The following SHISA7 variants were observed in gnomAD, a reference collection of about 807,000 sequenced individuals.
The protein encoded by SHISA7 is protein shisa-7.
Under a neutral mutation model 23.9 loss-of-function variants are expected in SHISA7, and 6 were observed. The ratio of observed to expected loss-of-function variants is 0.25; its 90% CI spans 0.14 to 0.50. The LOEUF is 0.50. SHISA7 is among the 20% of genes least tolerant of loss of function. The pLI is 0.98. For missense variants in SHISA7, 671 were observed against 801.1 expected (o/e 0.84, Z 1.96); for synonymous variants, 386 against 398.3 (o/e 0.97, Z 0.37).
Position 55,438,604 on chromosome 19 carries a change from C to T in SHISA7, c.827-850G>A, listed in dbSNP as rs146409202. On this transcript the variant is annotated intron_variant, in intron 2 of 3. Coordinates refer to ENST00000376325, the MANE Select transcript of SHISA7 (RefSeq NM_001145176.2). ...GCTTGGGGCTGTTGACGTTGAGGTG[C>T]AGGTAGCTGTGGTGCAGATTATCTG... The T allele has an allele frequency of 1.2e-4, 162 of 1,304,286 alleles. No homozygotes were observed. The African/African-American group carries it at 2.3e-3, about 19-fold the overall frequency. 80.8% of individuals were successfully genotyped at this position (1,304,286 alleles called of 1,614,324 possible).
At chr19:55,438,137 G>A (rs1385410906) in intron 2 of SHISA7, among the ~76,000 whole-genome samples, 6 of 147,964 alleles carry the variant, frequency 4.1e-5, no homozygotes, top group African/African-American at 1.3e-4. Context: ...AGACCCAGGC[G>A]TCCAGGCCCC....
chr19:55,438,881 T>C lies in SHISA7; in HGVS notation c.827-1127A>G, dbSNP rs868354511. On this transcript the variant is annotated intron_variant, in intron 2 of 3. Coordinates refer to ENST00000376325, the MANE Select transcript of SHISA7 (RefSeq NM_001145176.2). The stretch of plus-strand genomic sequence containing the variant: ...CCCAAGTTCTTAGCACCCCCCCCCC[T>C]GGTGCCCAGGCTAGAGATCTGAGGG... 9.3e-3 allele frequency among the ~76,000 whole-genome samples: 1,313 copies of C among 141,140 alleles called. 9 individuals carry two copies. Among genetic ancestry groups the C allele is most frequent in the African/African-American group, 0.032 (1,176 of 36,732 alleles). 92.6% of individuals were successfully genotyped at this position (141,140 alleles called of 152,430 possible).
At chr19:55,434,542 TTGTG>T (rs761817324) in intron 3 of SHISA7, among the ~76,000 whole-genome samples, 11 of 97,016 alleles carry the variant, frequency 1.1e-4, no homozygotes, top group African/African-American at 3.6e-4. Flanking sequence ...GTGTGTGTGG[TTGTG>T]TGTGTATGGT....
At chr19:55,438,298 G>C (rs887340029) in intron 2 of SHISA7, among the ~76,000 whole-genome samples, 1 of 152,192 alleles carries the variant, frequency 6.6e-6, no homozygotes. Context: ...GGCCCCAAGA[G>C]GGGGGTACTG....
At chr19:55,434,004 C>CAG (rs1985285371) in intron 3 of SHISA7, among the ~76,000 whole-genome samples, 3 of 152,062 alleles carry the variant, frequency 2.0e-5, no homozygotes, top group African/African-American at 7.3e-5. Flanking sequence ...TCTTCTTCCC[C>CAG]CCCGCGCCGC....
intron 1 of SHISA7, among the ~76,000 whole-genome samples, chr19:55,441,589 A>C (rs527781970): frequency 6.6e-5 from 10 of 152,100 alleles, no homozygotes; most frequent in Non-Finnish European, 1.5e-4. Flanking sequence ...TTTTCGGATC[A>C]CTTCCTCTAA....
intron 3 of SHISA7, among the ~76,000 whole-genome samples, chr19:55,434,756 GT>G (rs1985353317): frequency 1.8e-5 from 2 of 110,378 alleles, no homozygotes; most frequent in African/African-American, 7.1e-5. Context: ...GGTGTGTGTG[GT>G]GTGTGTGGTG....
In SHISA7 at chr19:55,430,827, G is replaced by A. The variant is rs1457714186; in HGVS notation, c.*2329C>T. ...GGATCCTGGGAGAAGATGACACCAG[G>A]GTTATGGTGGATACTAGTGGATGGT... On this transcript the variant is annotated 3_prime_UTR_variant, in exon 4 of 4. Transcript: ENST00000376325. 2.0e-5 allele frequency: 3 copies of A among 148,984 alleles called. No homozygotes were observed. Among genetic ancestry groups the A allele is most frequent in the Non-Finnish European group, 1.5e-5 (1 of 67,842 alleles). The allele number at this position is 148,984 out of a possible 1,614,324, so 9.2% of individuals were successfully genotyped here.
rs1985245497 is a variant in SHISA7, at chr19:55,432,940, C to G, written c.*216G>C. The stretch of plus-strand genomic sequence containing the variant: ...GATGACCTCATGAGCCGGCCTCTTC[C>G]TCTGGGATGACATCATGGGAAGGAG... On this transcript the variant is annotated 3_prime_UTR_variant, in exon 4 of 4. Coordinates refer to ENST00000376325, the MANE Select transcript of SHISA7 (RefSeq NM_001145176.2). This position sits in a 1 kb window ranked among gnomAD's most constrained non-coding sequence, Gnocchi z 4.6. 3 of 588,816 alleles carry G rather than the reference C, an allele frequency of 5.1e-6. No homozygotes were observed. The highest frequency in any genetic ancestry group is 5.6e-6 in the Non-Finnish European group (2 of 357,600). The allele number at this position is 588,816 out of a possible 1,614,324, so 36.5% of individuals were successfully genotyped here.
At chr19:55,434,782 GGTGT>G (rs1295337245) in intron 3 of SHISA7, among the ~76,000 whole-genome samples, 2 of 119,542 alleles carry the variant, frequency 1.7e-5, no homozygotes, top group East Asian at 5.7e-4. Flanking sequence ...GTGTGTGTAT[GGTGT>G]GTGTGGTGTG....
In SHISA7 at chr19:55,433,974, A is replaced by G. The variant is rs1006103306; in HGVS notation, c.977-178T>C. ...CAGGCCCAGCCCACAATGCTGGGTC[A>G]GTAGATGTGGAGGACTTCCTCTTCT... On this transcript the variant is annotated intron_variant, in intron 3 of 3. Coordinates refer to ENST00000376325, the MANE Select transcript of SHISA7 (RefSeq NM_001145176.2). This position sits in a 1 kb window ranked among gnomAD's most constrained non-coding sequence, Gnocchi z 8.4. Among the ~76,000 whole-genome samples the G allele has an allele frequency of 6.6e-6, 1 of 152,094 alleles. No homozygotes were observed. Among genetic ancestry groups the G allele is most frequent in the African/African-American group, 2.4e-5 (1 of 41,404 alleles).
rs113452084 is a variant in SHISA7 at position 55,435,954 on chromosome 19, A to ATGTG, written c.976+1647_976+1650dup. ...ATTTCCTGTAATTAAAAATATACAC[A>ATGTG]TGTGTGTGTGTGTGTGTGTCTCACG... On this transcript the variant is annotated intron_variant, in intron 3 of 3. Transcript: ENST00000376325. 2.3e-3 allele frequency among the ~76,000 whole-genome samples: 160 copies of ATGTG among 70,518 alleles called. 1 individual carries two copies. The highest frequency in any genetic ancestry group is 4.0e-3 in the East Asian group (3 of 752). The allele number at this position is 70,518 out of a possible 152,430, so 46.3% of individuals were successfully genotyped here.
chr19:55,433,393 C>A lies in SHISA7; in HGVS notation c.1380G>T (p.Gly460=). The A allele has an allele frequency of 1.5e-6, 2 of 1,324,240 alleles. No homozygotes were observed. The highest frequency in any genetic ancestry group is 9.6e-7 in the Non-Finnish European group (1 of 1,045,500). The allele number at this position is 1,324,240 out of a possible 1,614,324, so 82.0% of individuals were successfully genotyped here. A position where few individuals can be genotyped will look rare whatever the true frequency, so the allele number is the denominator to read the frequency against. Residue 460 remains glycine, a synonymous_variant, in exon 4 of 4, where the codon GGG becomes GGT. Transcript: ENST00000376325. This position sits in a 1 kb window ranked among gnomAD's most constrained non-coding sequence, Gnocchi z 8.4. ...GCAGCCCGCGCAGCGGTGTTGGGGG[C>A]CCCCCGGGCCCCAGCAGCAGGTTGG... ...SHSNLLLGPG[G]PPTPLRGLPP...
chr19:55,428,902 A>T lies in SHISA7; in HGVS notation c.*4254T>A, dbSNP rs555718896. The T allele has an allele frequency of 6.6e-6, 1 of 152,450 alleles. No individual in the cohort carries two copies. The highest frequency in any genetic ancestry group is 1.9e-4 in the East Asian group (1 of 5,186). 9.4% of individuals were successfully genotyped at this position (152,450 alleles called of 1,614,324 possible). A position where few individuals can be genotyped will look rare whatever the true frequency, so the allele number is the denominator to read the frequency against. ...CTGTTGGAGGGTCTTCAGGTGTGGA[A>T]CTATTTATCTTCTCCCTGTGAAGTG... On this transcript the variant is annotated 3_prime_UTR_variant, in exon 4 of 4. Transcript: ENST00000376325.
chr19:55,436,145 G>A (rs1599873167), intron 3 of SHISA7, among the ~76,000 whole-genome samples: 1 of 151,730 alleles, frequency 6.6e-6, no homozygotes, highest in East Asian at 1.9e-4. Context: ...AAATTAGCCA[G>A]GAGTGGTGGC....
intron 3 of SHISA7, among the ~76,000 whole-genome samples, chr19:55,434,436 GT>G (rs1985316833): frequency 7.7e-6 from 1 of 129,610 alleles, no homozygotes; most frequent in Non-Finnish European, 1.6e-5. Flanking sequence ...TGTGTGTGTG[GT>G]GTGTGTGTGT....
At position 55,434,837 on chromosome 19, in the gene SHISA7, TG is replaced by T. The variant is rs879333792; in HGVS notation, c.977-1042del. Among the ~76,000 whole-genome samples the T allele has an allele frequency of 1.2e-3, 117 of 97,478 alleles. 5 individuals are homozygous for T. Among genetic ancestry groups the T allele is most frequent in the Non-Finnish European group, 2.0e-3 (99 of 49,316 alleles). 63.9% of individuals were successfully genotyped at this position (97,478 alleles called of 152,430 possible). ...ATGGTGTGTATGTGTGTGTGGTGTG[TG>T]GTGTGTGTGTGCGTGTGTGTATATG... On this transcript the variant is annotated intron_variant, in intron 3 of 3. Coordinates refer to ENST00000376325, the MANE Select transcript of SHISA7 (RefSeq NM_001145176.2).
At position 55,439,677 on chromosome 19, in the gene SHISA7, G is replaced by A. The variant is rs536899295; in HGVS notation, c.826+934C>T. On this transcript the variant is annotated intron_variant, in intron 2 of 3. Coordinates refer to ENST00000376325, the MANE Select transcript of SHISA7 (RefSeq NM_001145176.2). ...AACTCCTCTCCTCCTCCAGGCCTTT[G>A]CTCAAATACCTCTCCCTCGGAGAAG... Among the ~76,000 whole-genome samples the A allele has an allele frequency of 1.2e-4, 18 of 152,170 alleles. No individual in the cohort carries two copies. In the East Asian group the frequency reaches 3.5e-3, roughly 29 times the overall value.
In SHISA7 at chr19:55,442,438, C is replaced by T; in HGVS notation, c.426G>A (p.Pro142=). ...CAGCGCCCCCGGCGCCCCCAGCTAG[C>T]GGCGGCGGCGTGGTGGCCCAGCGCG... ...DTPRWATTPP[P]LAGGAGGAGG... The change falls in exon 1 of 4, where the codon CCG becomes CCA. Residue 142 remains proline, a synonymous_variant. Transcript: ENST00000376325. The T allele has an allele frequency of 7.1e-7, 1 of 1,416,830 alleles. No individual in the cohort carries two copies. The highest frequency in any genetic ancestry group is 9.2e-7 in the Non-Finnish European group (1 of 1,082,158). 87.8% of individuals were successfully genotyped at this position (1,416,830 alleles called of 1,614,324 possible).
Sources: gnomAD v4.1 joint callset for allele counts (sites outside exome capture counted in the v4.1 genomes callset) on GRCh38, gnomAD v4.1.1 for gene constraint, Gnocchi (gnomAD v3.1) non-coding constraint, MANE v1.5 for transcripts, NCBI Gene and HGNC (gene_info 2026-07-23, HGNC 2026-07-21) for gene names.